The following JADE3 variants were observed in gnomAD, a reference collection of about 807,000 sequenced individuals.
The protein encoded by JADE3 is jade family PHD finger 3.
JADE3 carries 2 observed loss-of-function variants against 50.1 expected under a neutral mutation model. The ratio of observed to expected loss-of-function variants is 0.04; its 90% CI spans 0.02 to 0.13. The LOEUF is 0.13. JADE3 is among the 10% of genes least tolerant of loss of function. The pLI, the probability that JADE3 is intolerant of heterozygous loss-of-function variation, is 1.00. For synonymous variants in JADE3, 218 were observed against 232.9 expected (o/e 0.94, Z 0.58); for missense variants, 475 against 634.4 (o/e 0.75, Z 2.70).
At chrX:46,969,371 G>A (rs1455370440) in intron 1 of JADE3, among the ~76,000 whole-genome samples, 2 of 111,565 alleles carry the variant, frequency 1.8e-5, no homozygotes, top group African/African-American at 3.3e-5. Flanking sequence ...AGCTGAGATC[G>A]TGCCACTGCA....
At chrX:46,950,297 C>T (rs1926975192) in intron 1 of JADE3, among the ~76,000 whole-genome samples, 1 of 112,026 alleles carries the variant, frequency 8.9e-6, no homozygotes. Context: ...TTTGCAGTCA[C>T]TCCACTCTTC....
At chrX:46,945,011 A>T (rs1466974363) in intron 1 of JADE3, among the ~76,000 whole-genome samples, 1 of 97,182 alleles carries the variant, frequency 1.0e-5, no homozygotes, top group East Asian at 3.2e-4. Flanking sequence ...ACCTGGCTGA[A>T]TTTTTTTTTT....
At chrX:47,041,129 C>T (rs1303846195) in intron 8 of JADE3, among the ~76,000 whole-genome samples, 1 of 110,824 alleles carries the variant, frequency 9.0e-6, no homozygotes, top group Admixed American at 9.6e-5. Flanking sequence ...TGTGTGAGTC[C>T]CTTGAGGGCC....
In JADE3 at chrX:47,056,145, C is replaced by A; in HGVS notation, c.1507C>A (p.Gln503Lys). The A allele has an allele frequency of 8.3e-7, 1 of 1,207,275 alleles. No homozygotes were observed. Among genetic ancestry groups the A allele is most frequent in the Non-Finnish European group, 1.1e-6 (1 of 891,858 alleles). Residue 503 changes from glutamine to lysine, a missense_variant, in exon 10 of 11, where the codon CAG becomes AAG. This residue lies in a region of JADE3 where 243 missense variants were observed against 238.2 expected (regional missense o/e 1.02). Transcript: ENST00000614628. ...EKLKLSHNKI[Q>K]EQIFGLQVQL... ...GCTGAAGCTGTCACACAACAAAATA[C>A]AGGAACAGATCTTCGGTTTGCAAGT...
At chrX:47,019,543 C>G (rs1442585625) in intron 4 of JADE3, among the ~76,000 whole-genome samples, 1 of 111,881 alleles carries the variant, frequency 8.9e-6, no homozygotes, top group African/African-American at 3.3e-5. Flanking sequence ...TACCACCACA[C>G]CCAACTCTAT....
rs1418510929 is a variant in JADE3 at position 47,061,057 on chromosome X, G to A, written c.*1980G>A. On this transcript the variant is annotated 3_prime_UTR_variant, in exon 11 of 11. Transcript: ENST00000614628. ...TCCTAGGTAAATGAAGGAGCCTTCA[G>A]TTGTAAATTTCAATTACCCCAAAAT... is the stretch of plus-strand genomic sequence containing the variant. The A allele has an allele frequency of 8.9e-6, 1 of 111,943 alleles. No individual in the cohort carries two copies. The highest frequency in any genetic ancestry group is 3.3e-5 in the African/African-American group (1 of 30,732). The allele number at this position is 111,943 out of a possible 1,213,427, so 9.2% of individuals were successfully genotyped here.
intron 1 of JADE3, among the ~76,000 whole-genome samples, chrX:46,964,891 T>G (rs1556348592): frequency 8.9e-6 from 1 of 112,519 alleles, no homozygotes; most frequent in Non-Finnish European, 1.9e-5. Context: ...ATGCTAGATT[T>G]GGCCCATGGG....
At chrX:47,024,119 A>G (rs1928856192) in intron 4 of JADE3, among the ~76,000 whole-genome samples, 1 of 112,000 alleles carries the variant, frequency 8.9e-6, no homozygotes, top group Admixed American at 9.5e-5. Flanking sequence ...GCCCCCTCCC[A>G]GGTTGGTTTC....
intron 1 of JADE3, among the ~76,000 whole-genome samples, chrX:46,959,438 A>G (rs1331428052): frequency 1.8e-5 from 2 of 111,996 alleles, no homozygotes; most frequent in Middle Eastern, 4.2e-3. Flanking sequence ...AGTATGTACC[A>G]GGCACCGTGT....
intron 1 of JADE3, among the ~76,000 whole-genome samples, chrX:46,913,284 G>T (rs782128054): frequency 2.2e-3 from 245 of 110,718 alleles, no homozygotes; most frequent in Middle Eastern, 9.5e-3. Flanking sequence ...GGTGCTGGGT[G>T]CGGCGAGGCA....
At chrX:47,047,176 A>G (rs782449373) in intron 8 of JADE3, among the ~76,000 whole-genome samples, 1 of 112,091 alleles carries the variant, frequency 8.9e-6, no homozygotes, top group African/African-American at 3.2e-5. Flanking sequence ...GTGGATTTGT[A>G]AAAGGTAGCA....
intron 1 of JADE3, among the ~76,000 whole-genome samples, chrX:46,965,921 A>G (rs1285237825): frequency 8.9e-6 from 1 of 112,096 alleles, no homozygotes; most frequent in African/African-American, 3.2e-5. Flanking sequence ...TGTGTTTTAG[A>G]TAGGTCTCTG....
intron 1 of JADE3, among the ~76,000 whole-genome samples, chrX:46,918,592 T>C (rs782031251): frequency 1.8e-5 from 2 of 112,340 alleles, no homozygotes; most frequent in Non-Finnish European, 3.8e-5. Context: ...TATTTACTTT[T>C]AAGTAGCCTG....
chrX:47,025,945 T>C (rs1928899436), intron 5 of JADE3, among the ~76,000 whole-genome samples: 1 of 111,570 alleles, frequency 9.0e-6, no homozygotes, highest in Admixed American at 9.5e-5. Context: ...ACTGAAATTA[T>C]ATTAAAGCAG....
At chrX:46,973,809 G>C (rs1169862031) in intron 1 of JADE3, among the ~76,000 whole-genome samples, 1 of 112,507 alleles carries the variant, frequency 8.9e-6, no homozygotes, top group Non-Finnish European at 1.9e-5. Flanking sequence ...GGCCGGACGT[G>C]GTGGCTTATG....
intron 6 of JADE3, among the ~76,000 whole-genome samples, chrX:47,032,167 C>T (rs1429899246): frequency 9.0e-6 from 1 of 111,438 alleles, no homozygotes; most frequent in Non-Finnish European, 1.9e-5. Flanking sequence ...GTCAGAAGCC[C>T]TGTGTTTGGG....
At chrX:46,918,166 G>A (rs1556336994) in intron 1 of JADE3, among the ~76,000 whole-genome samples, 1 of 111,430 alleles carries the variant, frequency 9.0e-6, no homozygotes, top group Non-Finnish European at 1.9e-5. Flanking sequence ...TGCTTTTTAG[G>A]CTGCATTAAG....
At chrX:47,024,119 A>C (rs1928856192) in intron 4 of JADE3, among the ~76,000 whole-genome samples, 1 of 112,000 alleles carries the variant, frequency 8.9e-6, no homozygotes, top group African/African-American at 3.2e-5. Context: ...GCCCCCTCCC[A>C]GGTTGGTTTC....
chrX:46,952,859 A>G (rs1376219459), intron 1 of JADE3, among the ~76,000 whole-genome samples: 1 of 110,934 alleles, frequency 9.0e-6, no homozygotes, highest in Non-Finnish European at 1.9e-5. Flanking sequence ...TTAGCCGGGC[A>G]TGGTGGTGTG....
Sources: gnomAD v4.1 joint callset for allele counts (sites outside exome capture counted in the v4.1 genomes callset) on GRCh38, gnomAD v4.1.1 for gene constraint, gnomAD v4.1.1 regional missense constraint, MANE v1.5 for transcripts, NCBI Gene and HGNC (gene_info 2026-07-23, HGNC 2026-07-21) for gene names.